FGGY: variants seen among roughly 807,000 people sequenced by gnomAD.
FGGY encodes FGGY carbohydrate kinase domain-containing protein.
In FGGY, 72 loss-of-function variants were observed where a neutral mutation model predicts 71.3. The ratio of observed to expected loss-of-function variants is 1.01; its 90% CI spans 0.84 to 1.23. FGGY has a LOEUF of 1.23. Among genes scored for constraint, FGGY ranks in the 50% most tolerant of loss-of-function variants. The pLI is 0.00. For synonymous variants in FGGY, 251 were observed against 250.3 expected (o/e 1.00, Z -0.02); for missense variants, 668 against 682.3 (o/e 0.98, Z 0.23).
intron 14 of FGGY, among the ~76,000 whole-genome samples, chr1:59,728,861 C>T (rs973421611): frequency 3.9e-5 from 6 of 152,040 alleles, no homozygotes; most frequent in African/African-American, 9.6e-5. Flanking sequence ...GCTCAGCTTT[C>T]GATATTTTCA....
At chr1:59,537,041 A>T (rs564858303) in intron 7 of FGGY, among the ~76,000 whole-genome samples, 42 of 152,002 alleles carry the variant, frequency 2.8e-4, no homozygotes, top group African/African-American at 1.0e-3. Context: ...CAATTAGGAA[A>T]AGAGGAAGTC....
intron 8 of FGGY, among the ~76,000 whole-genome samples, chr1:59,564,893 A>C (rs569180134): frequency 6.6e-6 from 1 of 152,284 alleles, no homozygotes; most frequent in East Asian, 1.9e-4. Flanking sequence ...GAATCTATCT[A>C]TCAGATGGCC....
At chr1:59,321,428 T>C in intron 1 of FGGY, 108 bp from the exon 2 acceptor site, 2 of 919,294 alleles carry the variant, frequency 2.2e-6, no homozygotes, top group Non-Finnish European at 3.3e-6. Context: ...AACAAATGGC[T>C]ACCGGTTAGG....
chr1:59,670,599 G>T (rs1200696439), intron 13 of FGGY, among the ~76,000 whole-genome samples: 2 of 152,028 alleles, frequency 1.3e-5, no homozygotes, highest in East Asian at 1.9e-4. Flanking sequence ...AGGAATAAAT[G>T]CTTGCGAGTT....
chr1:59,385,920 G>A (rs2060017187), intron 5 of FGGY, among the ~76,000 whole-genome samples: 1 of 152,074 alleles, frequency 6.6e-6, no homozygotes, highest in Non-Finnish European at 1.5e-5. Flanking sequence ...AACATTGGGA[G>A]TCTGAGAGAA....
rs74084841 is a variant in FGGY at position 59,452,920 on chromosome 1, A to G, written c.555-4041A>G. 5.6e-3 allele frequency among the ~76,000 whole-genome samples: 849 copies of G among 152,338 alleles called. 8 individuals carry two copies. The highest frequency in any genetic ancestry group is 0.02 in the African/African-American group (822 of 41,574). ...GGTGACTAGTAGGTACAGCTTGCCT[A>G]AAGGTGAATAGTTATCCAAAGAGGG... is the stretch of plus-strand genomic sequence containing the variant. On this transcript the variant is annotated intron_variant, in intron 5 of 15. Coordinates refer to ENST00000303721, the MANE Select transcript of FGGY (RefSeq NM_018291.5).
At chr1:59,682,361 T>C (rs2097508641) in intron 14 of FGGY, among the ~76,000 whole-genome samples, 1 of 152,032 alleles carries the variant, frequency 6.6e-6, no homozygotes, top group South Asian at 2.1e-4. Context: ...AAATATCCCT[T>C]TGGTAAATGT....
intron 14 of FGGY, 38 bp from the exon 15 acceptor site, chr1:59,757,893 T>C: frequency 6.5e-7 from 1 of 1,538,882 alleles, no homozygotes; most frequent in Non-Finnish European, 8.9e-7. Context: ...GGATTTCGCT[T>C]TCCAACTCAG....
At chr1:59,351,406 A>G (rs1023013134) in intron 4 of FGGY, among the ~76,000 whole-genome samples, 1 of 152,208 alleles carries the variant, frequency 6.6e-6, no homozygotes, top group African/African-American at 2.4e-5. Flanking sequence ...CTGATCCTCA[A>G]ATACATCAGA....
chr1:59,356,078 A>G (rs1018360113), intron 4 of FGGY, among the ~76,000 whole-genome samples: 5 of 152,288 alleles, frequency 3.3e-5, no homozygotes, highest in African/African-American at 1.2e-4. Context: ...CTGGAGCTGA[A>G]TAGGGGCTGC....
Position 59,717,540 on chromosome 1 carries a change from A to T in FGGY, c.1513-40391A>T, listed in dbSNP as rs561445733. Among the ~76,000 whole-genome samples the T allele has an allele frequency of 3.3e-5, 5 of 152,282 alleles. No individual in the cohort carries two copies. The East Asian group carries it at 9.7e-4, about 30-fold the overall frequency. On this transcript the variant is annotated intron_variant, in intron 14 of 15. Transcript: ENST00000303721. ...TGTGAACCCAGAAGTGTGATATTCGATGGAGAGGCAATCCTGGGATGAACA... is the reference window on the plus strand; with the variant it reads ...TGTGAACCCAGAAGTGTGATATTCGTTGGAGAGGCAATCCTGGGATGAACA...
intron 11 of FGGY, among the ~76,000 whole-genome samples, chr1:59,653,811 T>G (rs2097193073): frequency 6.6e-6 from 1 of 152,178 alleles, no homozygotes; most frequent in South Asian, 2.1e-4. Flanking sequence ...CAATGATGGG[T>G]CAAATCTTTC....
chr1:59,642,143 C>A (rs1339256086), intron 11 of FGGY, among the ~76,000 whole-genome samples: 1 of 152,096 alleles, frequency 6.6e-6, no homozygotes, highest in African/African-American at 2.4e-5. Context: ...GTAGGAAAGG[C>A]CTTAGTAGTT....
intron 5 of FGGY, among the ~76,000 whole-genome samples, chr1:59,388,958 C>G (rs954177353): frequency 6.7e-6 from 1 of 150,370 alleles, no homozygotes; most frequent in Non-Finnish European, 1.5e-5. Flanking sequence ...CCTATCCCCT[C>G]TTTTTTTTAG....
chr1:59,514,918 A>G (rs1019874911), intron 7 of FGGY, among the ~76,000 whole-genome samples: 4 of 152,190 alleles, frequency 2.6e-5, no homozygotes, highest in Non-Finnish European at 5.9e-5. Flanking sequence ...TGGTACCAGT[A>G]GAGTGGGGCA....
At chr1:59,431,970 A>G (rs987842705) in intron 5 of FGGY, among the ~76,000 whole-genome samples, 4 of 152,196 alleles carry the variant, frequency 2.6e-5, no homozygotes, top group Non-Finnish European at 5.9e-5. Flanking sequence ...GTTGGTCAGA[A>G]TGGGACTTGG....
intron 1 of FGGY, among the ~76,000 whole-genome samples, chr1:59,302,970 G>T (rs772344948): frequency 9.2e-5 from 14 of 152,214 alleles, no homozygotes; most frequent in Admixed American, 1.3e-4. Context: ...GATTGTTCAG[G>T]TTATCTATTT....
chr1:59,693,946 G>T (rs2097623448), intron 14 of FGGY, among the ~76,000 whole-genome samples: 1 of 151,952 alleles, frequency 6.6e-6, no homozygotes, highest in Non-Finnish European at 1.5e-5. Context: ...GGCAGAAGTT[G>T]CAGTGAGCCA....
intron 7 of FGGY, among the ~76,000 whole-genome samples, chr1:59,525,563 T>C (rs2685544): frequency 0.032 from 4,847 of 152,322 alleles, 259 homozygotes; most frequent in African/African-American, 0.11. Flanking sequence ...TCTGTGTGTG[T>C]TTAGCTATGA....
Sources: allele counts gnomAD v4.1 joint callset (sites outside exome capture counted in the v4.1 genomes callset), GRCh38; gene constraint gnomAD v4.1.1; transcripts MANE v1.5; gene names NCBI Gene and HGNC (gene_info 2026-07-23, HGNC 2026-07-21).